Variants in ITIH5 observed in about 807,000 individuals in gnomAD.
The protein encoded by ITIH5 is inter-alpha-trypsin inhibitor heavy chain H5.
In ITIH5, 65 loss-of-function variants were observed where a neutral mutation model predicts 77.5. That is an observed-to-expected ratio of 0.84 (90% CI 0.69 to 1.03). ITIH5 has a LOEUF of 1.03. ITIH5 is among the 50% of genes least tolerant of loss of function. ITIH5 has a pLI of 0.00. For synonymous variants in ITIH5, 525 were observed against 494.3 expected (o/e 1.06, Z -0.82); for missense variants, 1,208 against 1,213.1 (o/e 1.00, Z 0.06).
At chr10:7,612,443 C>A (rs1325422817) in intron 7 of ITIH5, among the ~76,000 whole-genome samples, 2 of 152,156 alleles carry the variant, frequency 1.3e-5, no homozygotes, top group African/African-American at 2.4e-5. Flanking sequence ...TTCTAGTGAA[C>A]AGTGTTGCTC....
At chr10:7,650,377 C>T (rs1403653238) in intron 2 of ITIH5, among the ~76,000 whole-genome samples, 1 of 152,160 alleles carries the variant, frequency 6.6e-6, no homozygotes, top group African/African-American at 2.4e-5. Context: ...AAGGCTGGAG[C>T]GTGGCAGTTG....
chr10:7,617,247 G>T lies in ITIH5; in HGVS notation c.688C>A (p.Gln230Lys). Residue 230 changes from glutamine to lysine, a missense_variant, in exon 6 of 14, where the codon CAA (glutamine) becomes AAA (lysine). Gln to Lys is a moderately conservative substitution (Grantham distance 53). Transcript: ENST00000397146. ...ATTATGTTGGCAAATGTTTCATTTT[G>T]GTTAATGACAGTAGATGGGGGAGGC... Reference protein sequence around the residue: ...SGPPPSTVINQNETFANIIFK... With the variant: ...SGPPPSTVINKNETFANIIFK... 6.3e-7 allele frequency: 1 copy of T among 1,595,962 alleles called. No homozygotes were observed.
chr10:7,566,373 G>A lies in ITIH5; in HGVS notation c.2184C>T (p.Pro728=), dbSNP rs543300408. ...GTTTCTTGTGGCCATTTGGAGGGGC[G>A]GGTGCCCCAATTAACTCTCCGTTCA... is the stretch of plus-strand genomic sequence containing the variant. ...VTVNGELIGA[P]APPNGHKKQR... is the part of the protein sequence containing the mutation. The change falls in exon 13 of 14, where the codon CCC becomes CCT. Residue 728 remains proline, a synonymous_variant. Coordinates refer to ENST00000397146, the MANE Select transcript of ITIH5 (RefSeq NM_030569.7). 21 of 1,603,290 alleles carry A rather than the reference G, an allele frequency of 1.3e-5. No homozygotes were observed. The Admixed American group carries it at 2.5e-4, about 19-fold the overall frequency.
intron 7 of ITIH5, among the ~76,000 whole-genome samples, chr10:7,610,053 CTTT>C (rs1219450706): frequency 2.2e-5 from 3 of 138,076 alleles, no homozygotes; most frequent in Non-Finnish European, 4.6e-5. Flanking sequence ...CCCTCCCTTT[CTTT>C]TTTTTCTTTT....
intron 8 of ITIH5, among the ~76,000 whole-genome samples, chr10:7,581,618 A>T (rs1832554109): frequency 6.6e-6 from 1 of 151,962 alleles, no homozygotes; most frequent in African/African-American, 2.4e-5. Flanking sequence ...AAAACATATC[A>T]AGTTGTACAC....
chr10:7,658,047 T>G (rs75517049), intron 1 of ITIH5, among the ~76,000 whole-genome samples: 1 of 152,220 alleles, frequency 6.6e-6, no homozygotes, highest in African/African-American at 2.4e-5. Flanking sequence ...GAGAGATATG[T>G]TCATGACACA....
chr10:7,629,212 TCCCTGTTGTAGCGTGTGC>T (rs1833659198), intron 5 of ITIH5, among the ~76,000 whole-genome samples: 5 of 140,892 alleles, frequency 3.5e-5, no homozygotes, highest in Non-Finnish European at 6.4e-5. Flanking sequence ...GTAGCGTGTG[TCCCTGTTGTAGCGTGTGC>T]CCATGTTGTA....
At chr10:7,588,601 G>A (rs893656209) in intron 7 of ITIH5, among the ~76,000 whole-genome samples, 10 of 152,182 alleles carry the variant, frequency 6.6e-5, no homozygotes, top group African/African-American at 9.7e-5. Context: ...GCAAACGTTC[G>A]CCTAACTTTC....
At chr10:7,573,041 G>T in intron 11 of ITIH5, 101 bp downstream of exon 11, 3 of 1,127,666 alleles carry the variant, frequency 2.7e-6, no homozygotes, top group Non-Finnish European at 4.0e-6. Flanking sequence ...GCCTCCCAAA[G>T]TGCTGGGATT....
chr10:7,611,913 A>ATTTTT (rs55973419), intron 7 of ITIH5, among the ~76,000 whole-genome samples: 4,657 of 141,476 alleles, frequency 0.033, 232 homozygotes, highest in African/African-American at 0.1. Context: ...TCCACCTGCA[A>ATTTTT]TTTTTTTTTT....
chr10:7,603,912 T>C (rs1833069018), intron 7 of ITIH5, among the ~76,000 whole-genome samples: 1 of 152,170 alleles, frequency 6.6e-6, no homozygotes, highest in Non-Finnish European at 1.5e-5. Flanking sequence ...GTGTGTGGCA[T>C]GACTGTCCCT....
chr10:7,575,567 T>C (rs1832394056), intron 10 of ITIH5, among the ~76,000 whole-genome samples: 1 of 152,180 alleles, frequency 6.6e-6, no homozygotes. Context: ...GGTTTCACTG[T>C]GTTTCCTTTC....
chr10:7,653,657 A>G (rs1438120154), intron 2 of ITIH5, among the ~76,000 whole-genome samples: 1 of 152,250 alleles, frequency 6.6e-6, no homozygotes, highest in Non-Finnish European at 1.5e-5. Context: ...CAGAAAGTTT[A>G]GTAAATTATA....
At chr10:7,602,504 C>T (rs991093964) in intron 7 of ITIH5, among the ~76,000 whole-genome samples, 5 of 152,260 alleles carry the variant, frequency 3.3e-5, no homozygotes, top group South Asian at 2.1e-4. Context: ...CAAGATCTGA[C>T]GGTTTTTTAA....
At chr10:7,563,993 T>C (rs1056150459) in intron 13 of ITIH5, among the ~76,000 whole-genome samples, 9 of 152,274 alleles carry the variant, frequency 5.9e-5, no homozygotes, top group Non-Finnish European at 1.3e-4. Flanking sequence ...TTGCTCTTTA[T>C]TTTTGGGCAA....
intron 13 of ITIH5, among the ~76,000 whole-genome samples, chr10:7,565,675 CCATATACACATA>C (rs1832136567): frequency 6.8e-6 from 1 of 148,062 alleles, no homozygotes; most frequent in Non-Finnish European, 1.5e-5. Flanking sequence ...CATATACAGA[CCATATACACATA>C]CATATACAGA....
chr10:7,570,117 T>A (rs774090830), intron 11 of ITIH5: 6 of 177,614 alleles, frequency 3.4e-5, no homozygotes, highest in Non-Finnish European at 5.9e-5. Context: ...CTTCAACTGG[T>A]ACTCAGCCCC....
chr10:7,648,992 C>T (rs906980093), intron 2 of ITIH5, among the ~76,000 whole-genome samples: 5 of 152,156 alleles, frequency 3.3e-5, no homozygotes, highest in African/African-American at 1.2e-4. Flanking sequence ...TACTGACATA[C>T]CACAGCCTGG....
chr10:7,629,413 A>ATGTTGTAGCGTGTGTCCC (rs1833673265), intron 5 of ITIH5, among the ~76,000 whole-genome samples: 1 of 75,026 alleles, frequency 1.3e-5, no homozygotes, highest in Non-Finnish European at 3.5e-5. Context: ...GAGTGTGTCC[A>ATGTTGTAGCGTGTGTCCC]TGTTGTAGCG....
Sources: allele counts gnomAD v4.1 joint callset (sites outside exome capture counted in the v4.1 genomes callset), GRCh38; gene constraint gnomAD v4.1.1; transcripts MANE v1.5; gene names NCBI Gene and HGNC (gene_info 2026-07-23, HGNC 2026-07-21).